MYCBPAP: variants seen among roughly 807,000 people sequenced by gnomAD.
The protein encoded by MYCBPAP is MYCBP associated protein, also known as MYCBP-associated protein.
In MYCBPAP, 60 loss-of-function variants were observed where a neutral mutation model predicts 106.1. That is an observed-to-expected ratio of 0.57 (90% CI 0.46 to 0.70). The LOEUF is 0.70. Among genes scored for constraint, MYCBPAP ranks in the 30% least tolerant of loss-of-function variants. The probability of loss-of-function intolerance (pLI) is 0.00; values close to 1 mark genes in which losing one functional copy is unlikely to be tolerated. For synonymous variants in MYCBPAP, 407 were observed against 440.6 expected, an observed-to-expected ratio of 0.92 and a Z score of 0.95; for missense variants, 1,064 against 1,169.3, an observed-to-expected ratio of 0.91 and a Z score of 1.31.
intron 18 of MYCBPAP, chr17:50,530,005 A>T: frequency 2.6e-6 from 1 of 378,202 alleles, no homozygotes; most frequent in Non-Finnish European, 5.4e-6. Context: ...CCTTCCTCTA[A>T]TGTGGATAGC....
In MYCBPAP at chr17:50,531,471, A is replaced by C. The variant is rs770726950; in HGVS notation, c.*43A>C. The C allele has an allele frequency of 9.6e-6, 14 of 1,456,954 alleles. No individual in the cohort carries two copies. The highest frequency in any genetic ancestry group is 9.4e-5 in the East Asian group (4 of 42,494). 90.3% of individuals were successfully genotyped at this position (1,456,954 alleles called of 1,614,324 possible). A position where few individuals can be genotyped will look rare whatever the true frequency, so the allele number is the denominator to read the frequency against. On this transcript the variant is annotated 3_prime_UTR_variant, in exon 19 of 19. Coordinates refer to ENST00000323776, the MANE Select transcript of MYCBPAP (RefSeq NM_032133.6). ...CCTTCTGGAAAACGGGTTAATAAAT[A>C]AATCAATAAAGAACCTTCAAGTTTC...
At chr17:50,512,543 T>C (rs2033893070) in intron 1 of MYCBPAP, among the ~76,000 whole-genome samples, 1 of 152,196 alleles carries the variant, frequency 6.6e-6, no homozygotes, top group Admixed American at 6.5e-5. Context: ...GAACACTTCT[T>C]CAGAGCCCTG....
chr17:50,529,382 A>G, intron 18 of MYCBPAP, 194 bp downstream of exon 18: 1 of 564,494 alleles, frequency 1.8e-6, no homozygotes, highest in Non-Finnish European at 3.1e-6. Flanking sequence ...ACGACGGGAG[A>G]GAAGATAGAC....
intron 1 of MYCBPAP, chr17:50,515,062 C>T (rs1441622248): frequency 4.4e-6 from 1 of 225,804 alleles, no homozygotes; most frequent in African/African-American, 2.3e-5. Flanking sequence ...AAAACACATG[C>T]TTTGAGTTCC....
chr17:50,525,400 T>C (rs1331705926), intron 13 of MYCBPAP, among the ~76,000 whole-genome samples: 1 of 152,198 alleles, frequency 6.6e-6, no homozygotes, highest in Non-Finnish European at 1.5e-5. Context: ...GCAAACTCTT[T>C]TATGTGCCAA....
In MYCBPAP at chr17:50,518,635, C is replaced by T. The variant is rs910131270; in HGVS notation, c.563C>T (p.Pro188Leu). The change falls in exon 5 of 19, where the codon CCT (proline) becomes CTT (leucine). Residue 188 changes from proline to leucine, a missense_variant. Pro to Leu is a moderately conservative substitution (Grantham distance 98). Coordinates refer to ENST00000323776, the MANE Select transcript of MYCBPAP (RefSeq NM_032133.6). Reference sequence around the variant, plus strand: ...AAAGCCCCAAAAGAAGAGAAGAGACCTCCCTGGGCCCCACCTCCTCAGCAC... The same window carrying T: ...AAAGCCCCAAAAGAAGAGAAGAGACTTCCCTGGGCCCCACCTCCTCAGCAC... ...KQKAPKEEKRPPWAPPPQHNF... is the reference protein window; with the variant it reads ...KQKAPKEEKRLPWAPPPQHNF... 2 of 1,610,738 alleles carry T rather than the reference C, an allele frequency of 1.2e-6. No individual in the cohort carries two copies. Among genetic ancestry groups the T allele is most frequent in the African/African-American group, 2.7e-5 (2 of 74,598 alleles).
At chr17:50,519,162 C>T (rs2034166621) in intron 6 of MYCBPAP, 73 bp downstream of exon 6, 3 of 1,077,390 alleles carry the variant, frequency 2.8e-6, no homozygotes, top group Non-Finnish European at 4.1e-6. Context: ...GGTGTCTGGA[C>T]ACAGGGATGC....
At chr17:50,513,218 CAAAAAAAAAA>C (rs1190873215) in intron 1 of MYCBPAP, among the ~76,000 whole-genome samples, 1 of 62,710 alleles carries the variant, frequency 1.6e-5, no homozygotes, top group Admixed American at 1.9e-4. Context: ...AACTCCATCT[CAAAAAAAAAA>C]AAAAAAAAAA....
chr17:50,510,499 G>GTGTGTGTGCATATATA (rs1418345705), intron 1 of MYCBPAP: 1 of 76,414 alleles, frequency 1.3e-5, no homozygotes, highest in African/African-American at 4.6e-5. Flanking sequence ...GTGTGTGTGT[G>GTGTGTGTGCATATATA]TATATATATA....
At chr17:50,528,991 G>T (rs756561276) in intron 17 of MYCBPAP, 27 bp from the exon 18 acceptor site, 1 of 1,609,508 alleles carries the variant, frequency 6.2e-7, no homozygotes, top group East Asian at 2.2e-5. Flanking sequence ...GCTCCTGAAG[G>T]CTATGTGTGT....
rs368008517 is a variant in MYCBPAP at position 50,526,102 on chromosome 17, C to T, written c.2004C>T (p.Ser668=). 7.9e-5 allele frequency: 127 copies of T among 1,613,730 alleles called. No individual in the cohort carries two copies. The highest frequency in any genetic ancestry group is 3.2e-4 in the African/African-American group (24 of 74,916). ...CTGAGAACGAGGCCCTCAGGGAATC[C>T]GGGTCCCAGAAGGCCAGAGTGGGGA... ...PRPENEALRE[S]GSQKARVGTK... is the part of the protein sequence containing the mutation. The change falls in exon 14 of 19, where the codon TCC becomes TCT. Residue 668 remains serine, a synonymous_variant. Transcript: ENST00000323776.
In MYCBPAP at chr17:50,523,706, A is replaced by C. The variant is rs1244555555; in HGVS notation, c.1557A>C (p.Gly519=). 6.2e-7 allele frequency: 1 copy of C among 1,614,002 alleles called. No individual in the cohort carries two copies. The highest frequency in any genetic ancestry group is 8.5e-7 in the Non-Finnish European group (1 of 1,180,028). The change falls in exon 12 of 19, where the codon GGA becomes GGC. Residue 519 remains glycine (G), a synonymous_variant. Transcript: ENST00000323776. ...TTCGAACCCATCCTACTCTATTAGGAGGTGCTATACTGCAGGTCAATCTCC... is the reference window on the plus strand; with the variant it reads ...TTCGAACCCATCCTACTCTATTAGGCGGTGCTATACTGCAGGTCAATCTCC... ...WEFRTHPTLL[G]GAILQVNLHA...
In MYCBPAP at chr17:50,528,288, C is replaced by T. The variant is rs745936702; in HGVS notation, c.2407+18C>T. The T allele has an allele frequency of 2.7e-5, 43 of 1,578,596 alleles. No individual in the cohort carries two copies. The highest frequency in any genetic ancestry group is 3.7e-5 in the Non-Finnish European group (42 of 1,150,460). On this transcript the variant is annotated intron_variant, in intron 16 of 18. Transcript: ENST00000323776. ...AGAGCAAGGTCAGATCTTGTGCAAC[C>T]AACCACACCTCTGCATAGCCCTCCT...
In MYCBPAP at chr17:50,523,804, G is replaced by T. The variant is rs764572733; in HGVS notation, c.1635+20G>T. 30 of 1,602,036 alleles carry T rather than the reference G, an allele frequency of 1.9e-5. 1 individual carries two copies. In the Middle Eastern group the frequency reaches 6.7e-4, roughly 36 times the overall value. ...CTGGAGGTAAGGGACCCAGGACCAT[G>T]GCCCCTGTGGACATCAGGTAGGGTA... is the stretch of plus-strand genomic sequence containing the variant. On this transcript the variant is annotated intron_variant, in intron 12 of 18. Coordinates refer to ENST00000323776, the MANE Select transcript of MYCBPAP (RefSeq NM_032133.6).
At chr17:50,523,239 T>A in intron 11 of MYCBPAP, 111 bp downstream of exon 11, 1 of 1,067,822 alleles carries the variant, frequency 9.4e-7, no homozygotes, top group Non-Finnish European at 1.4e-6. Flanking sequence ...TGAGCCCTGC[T>A]TCCCTGCCTT....
rs553086255 is a variant in MYCBPAP, at chr17:50,525,846, C to G, written c.1783-35C>G. On this transcript the variant is annotated intron_variant, in intron 13 of 18. Coordinates refer to ENST00000323776, the MANE Select transcript of MYCBPAP (RefSeq NM_032133.6). ...AAGAAACTGGGGCCTGCACCCCAGC[C>G]TCCCCCTCACATGCCTTCCCATCCT... 33 of 1,550,548 alleles carry G rather than the reference C, an allele frequency of 2.1e-5. No homozygotes were observed. In the Admixed American group the frequency reaches 3.2e-4, roughly 15 times the overall value.
chr17:50,527,175 C>T, intron 14 of MYCBPAP, 112 bp from the exon 15 acceptor site: 1 of 1,469,594 alleles, frequency 6.8e-7, no homozygotes, highest in Non-Finnish European at 9.3e-7. Flanking sequence ...TCCATAGCTG[C>T]ATCCCCTCCT....
rs1407316883 is a variant in MYCBPAP at position 50,521,211 on chromosome 17, G to A, written c.1018G>A (p.Asp340Asn). ...GCTGCAGAGAATCATGGAAGAGCTGGATTTCAGCCAGCAGGTTGGTATGGC... is the reference window on the plus strand; with the variant it reads ...GCTGCAGAGAATCATGGAAGAGCTGAATTTCAGCCAGCAGGTTGGTATGGC... ...KELQRIMEEL[D>N]FSQQDIDGLE... The change falls in exon 8 of 19, where the codon GAT becomes AAT. Residue 340 changes from aspartate to asparagine, a missense_variant. By Grantham distance (23) the Asp-to-Asn change is conservative (BLOSUM62 1). Transcript: ENST00000323776. The A allele has an allele frequency of 6.2e-7, 1 of 1,612,456 alleles. No homozygotes were observed. Among genetic ancestry groups the A allele is most frequent in the Non-Finnish European group, 8.5e-7 (1 of 1,179,374 alleles).
At chr17:50,522,164 GCA>G (rs1168365275) in intron 10 of MYCBPAP, 83 bp downstream of exon 10, 1 of 1,118,842 alleles carries the variant, frequency 8.9e-7, no homozygotes, top group Non-Finnish European at 1.3e-6. Flanking sequence ...CCAGCAGCCT[GCA>G]CAGTCTCCTG....
Sources: allele counts gnomAD v4.1 joint callset (sites outside exome capture counted in the v4.1 genomes callset), GRCh38; gene constraint gnomAD v4.1.1; transcripts MANE v1.5; gene names NCBI Gene and HGNC (gene_info 2026-07-23, HGNC 2026-07-21).